The following USH2A variants were observed in gnomAD, a reference collection of about 807,000 sequenced individuals.
USH2A encodes the protein Usher syndrome 2A (autosomal recessive, mild).
A neutral mutation model predicts 538.9 loss-of-function variants in USH2A; 443 were observed. The ratio of observed to expected loss-of-function variants is 0.82; its 90% CI spans 0.76 to 0.89. The LOEUF is 0.89. USH2A is among the 40% of genes least tolerant of loss of function. The probability of loss-of-function intolerance (pLI) is 0.00; values close to 1 mark genes in which losing one functional copy is unlikely to be tolerated. For synonymous variants in USH2A, 2,413 were observed against 2,273.5 expected, an observed-to-expected ratio of 1.06 and a Z score of -1.75; for missense variants, 6,633 against 6,324.8, an observed-to-expected ratio of 1.05 and a Z score of -1.65.
At position 216,041,280 on chromosome 1, in the gene USH2A, T is replaced by C. The variant is rs78620900; in HGVS notation, c.6325+5151A>G. Among the ~76,000 whole-genome samples the C allele has an allele frequency of 1.9e-3, 287 of 152,190 alleles. 8 individuals are homozygous for C. The East Asian group carries it at 0.044, about 23-fold the overall frequency. On this transcript the variant is annotated intron_variant, in intron 32 of 71. Coordinates refer to ENST00000307340, the MANE Select transcript of USH2A (RefSeq NM_206933.4). Reference sequence around the variant, plus strand: ...CCCACCATACTACTAGCTTATGGCCTATGCAAGGTAAAAAATTTGAACTGT... The same window carrying C: ...CCCACCATACTACTAGCTTATGGCCCATGCAAGGTAAAAAATTTGAACTGT...
intron 67 of USH2A, among the ~76,000 whole-genome samples, chr1:215,644,950 A>G (rs1211281485): frequency 6.6e-6 from 1 of 152,162 alleles, no homozygotes; most frequent in East Asian, 1.9e-4. Flanking sequence ...GATTAAGGAG[A>G]GAGAAGGGAT....
chr1:215,887,086 T>C (rs1022451275), intron 41 of USH2A, among the ~76,000 whole-genome samples: 1 of 152,186 alleles, frequency 6.6e-6, no homozygotes, highest in Non-Finnish European at 1.5e-5. Flanking sequence ...CTCGATCTCC[T>C]GACCTCATGA....
intron 3 of USH2A, among the ~76,000 whole-genome samples, chr1:216,382,190 T>A (rs559917008): frequency 3.2e-4 from 49 of 152,298 alleles, no homozygotes; most frequent in Non-Finnish European, 4.1e-4. Context: ...TGGAGTCTAG[T>A]GATGGACACA....
chr1:216,247,989 T>A (rs2036086236), intron 12 of USH2A, among the ~76,000 whole-genome samples: 1 of 152,146 alleles, frequency 6.6e-6, no homozygotes, highest in Admixed American at 6.5e-5. Flanking sequence ...TATTTCTGAA[T>A]CCACACATTT....
intron 44 of USH2A, among the ~76,000 whole-genome samples, chr1:215,852,123 T>C (rs1378511273): frequency 6.6e-6 from 1 of 152,156 alleles, no homozygotes; most frequent in Non-Finnish European, 1.5e-5. Context: ...TCTGTTCTCA[T>C]GCTGCTGATA....
intron 47 of USH2A, among the ~76,000 whole-genome samples, chr1:215,832,398 A>C (rs1484110177): frequency 6.6e-6 from 1 of 151,924 alleles, no homozygotes; most frequent in Non-Finnish European, 1.5e-5. Flanking sequence ...ATAATAGTAT[A>C]TTGCATCCCC....
intron 58 of USH2A, among the ~76,000 whole-genome samples, chr1:215,755,776 A>C (rs1343606635): frequency 6.6e-6 from 1 of 152,200 alleles, no homozygotes; most frequent in Non-Finnish European, 1.5e-5. Flanking sequence ...AATTTATACA[A>C]AGCCTGAGGT....
chr1:216,016,153 T>G (rs1668706140), intron 32 of USH2A, among the ~76,000 whole-genome samples: 1 of 115,110 alleles, frequency 8.7e-6, no homozygotes, highest in African/African-American at 3.4e-5. Flanking sequence ...TGAGAGCACA[T>G]GGACACAGGG....
At chr1:216,030,093 C>G (rs185101645) in intron 32 of USH2A, among the ~76,000 whole-genome samples, 3 of 62,064 alleles carry the variant, frequency 4.8e-5, no homozygotes, top group Non-Finnish European at 7.9e-5. Flanking sequence ...ATATGATATA[C>G]ATCACAGATA....
chr1:216,328,245 G>C (rs1571706830), intron 4 of USH2A, among the ~76,000 whole-genome samples: 1 of 152,070 alleles, frequency 6.6e-6, no homozygotes, highest in Admixed American at 6.6e-5. Context: ...GAATTTTATT[G>C]CCTCAGGGAA....
chr1:215,786,731 T>G lies in USH2A; in HGVS notation c.10326A>C (p.Glu3442Asp). ...HNSTGKASIE[E>D]MCSSAEETIH... ...TGGTTTCTTCGGCAGATGAACACAT[T>G]TCTTCAATTGATGCCTTCCCTGTGG... The change falls in exon 52 of 72, where the codon GAA becomes GAC. Residue 3442 changes from glutamate (E) to aspartate (D), a missense_variant. Glu to Asp is a conservative substitution (Grantham distance 45). Coordinates refer to ENST00000307340, the MANE Select transcript of USH2A (RefSeq NM_206933.4). 1.9e-6 allele frequency: 3 copies of G among 1,614,018 alleles called. No individual in the cohort carries two copies. The highest frequency in any genetic ancestry group is 2.5e-6 in the Non-Finnish European group (3 of 1,179,944).
At position 215,974,323 on chromosome 1, in the gene USH2A, A is replaced by C. The variant is rs143287890; in HGVS notation, c.6806-3547T>G. Among the ~76,000 whole-genome samples, 918 of 152,276 alleles carry C rather than the reference A, an allele frequency of 6.0e-3. 12 individuals carry two copies. Among genetic ancestry groups the C allele is most frequent in the African/African-American group, 0.021 (878 of 41,566 alleles). On this transcript the variant is annotated intron_variant, in intron 35 of 71. Coordinates refer to ENST00000307340, the MANE Select transcript of USH2A (RefSeq NM_206933.4). ...AGATGCTTTTTTCTTTAACTAGAAC[A>C]CAGGACATGTATCAATAGCTGTTTT...
rs75249300 is a variant in USH2A, at chr1:215,950,310, G to T, written c.7120+15007C>A. ...TACTATAGTATATTAAGTACCTATT[G>T]AATATTAAATACTTGTTATGAGTTT... On this transcript the variant is annotated intron_variant, in intron 37 of 71. Transcript: ENST00000307340. Among the ~76,000 whole-genome samples, 531 of 152,096 alleles carry T rather than the reference G, an allele frequency of 3.5e-3. 3 individuals carry two copies. Among genetic ancestry groups the T allele is most frequent in the African/African-American group, 0.012 (514 of 41,510 alleles).
chr1:216,354,493 G>T (rs979743378), intron 4 of USH2A, among the ~76,000 whole-genome samples: 1 of 152,058 alleles, frequency 6.6e-6, no homozygotes, highest in Admixed American at 6.6e-5. Flanking sequence ...GGGTGATAGT[G>T]AATAATACAT....
At chr1:216,282,199 T>A (rs528975407) in intron 11 of USH2A, among the ~76,000 whole-genome samples, 1 of 152,298 alleles carries the variant, frequency 6.6e-6, no homozygotes, top group South Asian at 2.1e-4. Flanking sequence ...TTTCACTTTC[T>A]TGTTGGTGTG....
chr1:216,297,238 G>A (rs1216625590), intron 9 of USH2A, among the ~76,000 whole-genome samples: 1 of 152,026 alleles, frequency 6.6e-6, no homozygotes, highest in Non-Finnish European at 1.5e-5. Flanking sequence ...AGTTATCAAA[G>A]TGCTTGTCAC....
chr1:216,124,553 G>A (rs557050926), intron 21 of USH2A, among the ~76,000 whole-genome samples: 1 of 152,070 alleles, frequency 6.6e-6, no homozygotes, highest in Non-Finnish European at 1.5e-5. Context: ...CAAAAACATA[G>A]AGCAATTCAA....
At chr1:216,085,719 AGTGTGT>A (rs140742468) in intron 24 of USH2A, among the ~76,000 whole-genome samples, 14 of 143,626 alleles carry the variant, frequency 9.7e-5, no homozygotes, top group African/African-American at 2.3e-4. Flanking sequence ...TGTGTACGTG[AGTGTGT>A]GTGTGTGTGT....
intron 37 of USH2A, among the ~76,000 whole-genome samples, chr1:215,948,554 T>C (rs1221338273): frequency 6.6e-6 from 1 of 151,868 alleles, no homozygotes; most frequent in Non-Finnish European, 1.5e-5. Context: ...TTTATAGCTG[T>C]AAGAATATAT....
Sources: gnomAD v4.1 joint callset for allele counts (sites outside exome capture counted in the v4.1 genomes callset) on GRCh38, gnomAD v4.1.1 for gene constraint, MANE v1.5 for transcripts, NCBI Gene and HGNC (gene_info 2026-07-23, HGNC 2026-07-21) for gene names.